The following RNFT2 variants were observed in gnomAD, a reference collection of about 807,000 sequenced individuals.
RNFT2 encodes the protein E3 ubiquitin-protein ligase RNFT2.
RNFT2 carries 36 observed loss-of-function variants against 53.0 expected under a neutral mutation model. The observed-to-expected ratio is 0.68, with a 90% CI of 0.52 to 0.90. RNFT2 has a LOEUF of 0.90. Among genes scored for constraint, RNFT2 ranks in the 40% least tolerant of loss-of-function variants. The pLI, the probability that RNFT2 is intolerant of heterozygous loss-of-function variation, is 0.00. For synonymous variants in RNFT2, 260 were observed against 253.2 expected, an observed-to-expected ratio of 1.03 and a Z score of -0.26; for missense variants, 514 against 585.6, an observed-to-expected ratio of 0.88 and a Z score of 1.26.
intron 3 of RNFT2, among the ~76,000 whole-genome samples, chr12:116,749,543 G>C (rs1305589133): frequency 6.6e-6 from 1 of 152,064 alleles, no homozygotes; most frequent in African/African-American, 2.4e-5. Context: ...GACTCCCAAA[G>C]TACAGGGATT....
intron 4 of RNFT2, among the ~76,000 whole-genome samples, chr12:116,750,831 T>A (rs7967983): frequency 1.9e-3 from 6 of 3,198 alleles, no homozygotes; most frequent in African/African-American, 9.0e-3. Flanking sequence ...ATATATATAA[T>A]ATATATATTA....
chr12:116,833,977 G>A (rs1451391164), intron 8 of RNFT2, 36 bp downstream of exon 8: 2 of 1,553,196 alleles, frequency 1.3e-6, no homozygotes, highest in Non-Finnish European at 1.7e-6. Context: ...CCGGCCTAAG[G>A]AGGGCCCCAT....
intron 7 of RNFT2, among the ~76,000 whole-genome samples, chr12:116,819,674 T>G (rs1356980864): frequency 6.6e-6 from 1 of 152,192 alleles, no homozygotes; most frequent in African/African-American, 2.4e-5. Context: ...CCCGCCCCGC[T>G]GGCCCCGCCT....
chr12:116,829,767 G>A (rs951344031), intron 7 of RNFT2, among the ~76,000 whole-genome samples: 1 of 152,130 alleles, frequency 6.6e-6, no homozygotes, highest in Non-Finnish European at 1.5e-5. Context: ...TTTTGGTAGA[G>A]ACAGGGTTTC....
chr12:116,826,177 A>T (rs189897676), intron 7 of RNFT2, among the ~76,000 whole-genome samples: 1 of 151,164 alleles, frequency 6.6e-6, no homozygotes, highest in Non-Finnish European at 1.5e-5. Flanking sequence ...ACTCTCCTTC[A>T]TTTCCCACCC....
rs144535408 is a variant in RNFT2, at chr12:116,784,752, A to G, written c.882+5404A>G. The stretch of plus-strand genomic sequence containing the variant: ...CAAGTTCTGTTCATTTTGCCTCCCC[A>G]GTGACGTGGGAGCCCATCCTCCTTC... On this transcript the variant is annotated intron_variant, in intron 7 of 10. Coordinates refer to ENST00000257575, the MANE Select transcript of RNFT2 (RefSeq NM_001382266.1). Among the ~76,000 whole-genome samples the G allele has an allele frequency of 1.3e-3, 194 of 152,174 alleles. 9 individuals carry two copies. The East Asian group carries it at 0.033, about 25-fold the overall frequency.
chr12:116,847,917 A>G (rs1426006710), intron 10 of RNFT2, among the ~76,000 whole-genome samples: 1 of 152,182 alleles, frequency 6.6e-6, no homozygotes, highest in African/African-American at 2.4e-5. Context: ...AACGTGTGCC[A>G]TGGTGGTTTG....
intron 10 of RNFT2, among the ~76,000 whole-genome samples, chr12:116,845,458 C>T (rs1877563822): frequency 6.6e-6 from 1 of 151,974 alleles, no homozygotes; most frequent in Non-Finnish European, 1.5e-5. Flanking sequence ...CATCATAAAA[C>T]AGGGGAGACA....
chr12:116,833,252 C>T (rs1565873524), intron 7 of RNFT2, among the ~76,000 whole-genome samples: 1 of 152,176 alleles, frequency 6.6e-6, no homozygotes, highest in Non-Finnish European at 1.5e-5. Context: ...GGTATTCATC[C>T]TGCCTCCTTG....
At chr12:116,772,630 A>G (rs928925826) in intron 6 of RNFT2, among the ~76,000 whole-genome samples, 2 of 151,966 alleles carry the variant, frequency 1.3e-5, no homozygotes, top group African/African-American at 2.4e-5. Context: ...TTTAATTGTG[A>G]AAATTGGAAA....
At chr12:116,796,983 T>G (rs984589030) in intron 7 of RNFT2, among the ~76,000 whole-genome samples, 7 of 152,244 alleles carry the variant, frequency 4.6e-5, no homozygotes, top group African/African-American at 1.7e-4. Context: ...GGGGGTGTGC[T>G]ACTGGTATTT....
intron 7 of RNFT2, among the ~76,000 whole-genome samples, chr12:116,788,464 C>T (rs992714391): frequency 6.6e-6 from 1 of 152,218 alleles, no homozygotes; most frequent in African/African-American, 2.4e-5. Context: ...GTTCTTTCTG[C>T]AGATCACTGC....
At chr12:116,847,529 TCTC>T (rs1877680664) in intron 10 of RNFT2, among the ~76,000 whole-genome samples, 1 of 86,468 alleles carries the variant, frequency 1.2e-5, no homozygotes, top group South Asian at 3.2e-4. Flanking sequence ...TCTCTCTCTC[TCTC>T]TTTTTTTTTT....
rs577783490 is a variant in RNFT2 at position 116,741,206 on chromosome 12, C to T, written c.83+112C>T. The T allele has an allele frequency of 8.7e-5, 68 of 782,086 alleles. No individual in the cohort carries two copies. The African/African-American group carries it at 9.3e-4, about 11-fold the overall frequency. The allele number at this position is 782,086 out of a possible 1,614,324, so 48.4% of individuals were successfully genotyped here. A position where few individuals can be genotyped will look rare whatever the true frequency, so the allele number is the denominator to read the frequency against. On this transcript the variant is annotated intron_variant, in intron 3 of 10. Transcript: ENST00000257575. The stretch of plus-strand genomic sequence containing the variant: ...CCCTCAGCGTTAGTTGTTAGAGTCA[C>T]ACTGATGGCCTCATACTAAACATTC...
intron 7 of RNFT2, among the ~76,000 whole-genome samples, chr12:116,832,148 A>AAAATATATATATAT (rs1555209702): frequency 4.9e-4 from 27 of 55,166 alleles, no homozygotes; most frequent in African/African-American, 1.9e-3. Context: ...AAAAAAAAAA[A>AAAATATATATATAT]ATATATATAT....
At chr12:116,799,496 G>A (rs1874661979) in intron 7 of RNFT2, among the ~76,000 whole-genome samples, 1 of 152,132 alleles carries the variant, frequency 6.6e-6, no homozygotes, top group Admixed American at 6.5e-5. Flanking sequence ...AATTTTGCTG[G>A]GTGCCCACCG....
chr12:116,797,296 A>G (rs975892073), intron 7 of RNFT2, among the ~76,000 whole-genome samples: 1 of 152,230 alleles, frequency 6.6e-6, no homozygotes, highest in Non-Finnish European at 1.5e-5. Flanking sequence ...TCTGTGGGTC[A>G]TTCCTGTAAT....
intron 6 of RNFT2, among the ~76,000 whole-genome samples, chr12:116,773,535 C>T (rs1015323415): frequency 8.5e-5 from 13 of 152,210 alleles, no homozygotes; most frequent in African/African-American, 3.1e-4. Context: ...AAATTAAAGA[C>T]AGAGCGCTTC....
intron 4 of RNFT2, 93 bp downstream of exon 4, chr12:116,750,400 GGAGAGGCAGCA>G: frequency 7.9e-7 from 1 of 1,266,496 alleles, no homozygotes; most frequent in South Asian, 1.3e-5. Context: ...TGAAGCCCAG[GGAGAGGCAGCA>G]GAGACCAACA....
Sources: gnomAD v4.1 joint callset for allele counts (sites outside exome capture counted in the v4.1 genomes callset) on GRCh38, gnomAD v4.1.1 for gene constraint, MANE v1.5 for transcripts, NCBI Gene and HGNC (gene_info 2026-07-23, HGNC 2026-07-21) for gene names.